The following SPATA13 variants were observed in gnomAD, a reference collection of about 807,000 sequenced individuals.
SPATA13 encodes the protein spermatogenesis associated 13.
SPATA13 carries 50 observed loss-of-function variants against 104.0 expected under a neutral mutation model. The ratio of observed to expected loss-of-function variants is 0.48; its 90% CI spans 0.38 to 0.61. The LOEUF is 0.61. SPATA13 is among the 20% of genes least tolerant of loss of function. SPATA13 has a pLI of 0.00. For synonymous variants in SPATA13, 606 were observed against 667.5 expected (o/e 0.91, Z 1.42); for missense variants, 1,524 against 1,690.6 (o/e 0.90, Z 1.73).
chr13:24,155,171 A>G (rs940193454), intron 3 of SPATA13, among the ~76,000 whole-genome samples: 1 of 152,280 alleles, frequency 6.6e-6, no homozygotes, highest in South Asian at 2.1e-4. Flanking sequence ...TCTATATTAC[A>G]GATGAAGAAA....
At chr13:24,123,075 G>A (rs1881091854) in intron 3 of SPATA13, 2 of 955,556 alleles carry the variant, frequency 2.1e-6, no homozygotes, top group Admixed American at 3.4e-5. Flanking sequence ...TACTGCAATA[G>A]GAGTAAATTC....
intron 1 of SPATA13, among the ~76,000 whole-genome samples, chr13:24,164,311 C>T (rs1882632454): frequency 6.6e-6 from 1 of 152,260 alleles, no homozygotes; most frequent in South Asian, 2.1e-4. Flanking sequence ...TGGACTCCCA[C>T]TGAGCCCCCT....
intron 1 of SPATA13, among the ~76,000 whole-genome samples, chr13:24,193,226 G>A (rs193236118): frequency 3.9e-5 from 6 of 152,216 alleles, no homozygotes; most frequent in South Asian, 2.1e-4. Flanking sequence ...GGGAAGTGAC[G>A]GAGCTCTGAG....
At chr13:24,236,706 C>G (rs1279616525) in intron 2 of SPATA13, among the ~76,000 whole-genome samples, 1 of 151,900 alleles carries the variant, frequency 6.6e-6, no homozygotes, top group Non-Finnish European at 1.5e-5. Flanking sequence ...TACTACTTCA[C>G]ACCCATTAGA....
chr13:24,242,399 T>G (rs1420231236), intron 2 of SPATA13, among the ~76,000 whole-genome samples: 3 of 152,248 alleles, frequency 2.0e-5, no homozygotes, highest in Non-Finnish European at 4.4e-5. Context: ...GGAGGCTTTT[T>G]GGGGAGCAGT....
intron 4 of SPATA13, chr13:24,272,682 C>T (rs1874702103): frequency 6.6e-6 from 1 of 152,152 alleles, no homozygotes; most frequent in African/African-American, 2.4e-5. Flanking sequence ...GAGTTGAAGC[C>T]GAGCCTGAGA....
At position 24,086,052 on chromosome 13, in the gene SPATA13, G is replaced by A. The variant is rs115062347; in HGVS notation, c.-112+68351G>A. ...ATCTGTTGCCAAGGTGAGTAGCAGA[G>A]AAGTTTCACTGTGGGAGTAGCAGGA... On this transcript the variant is annotated intron_variant, in intron 3 of 14. Coordinates refer to the SPATA13 transcript ENST00000424834. Among the ~76,000 whole-genome samples the A allele has an allele frequency of 8.0e-3, 752 of 94,166 alleles. 7 individuals carry two copies. Among genetic ancestry groups the A allele is most frequent in the African/African-American group, 0.026 (720 of 28,216 alleles). 61.8% of individuals were successfully genotyped at this position (94,166 alleles called of 152,430 possible).
At chr13:24,098,312 C>A (rs959811921) in intron 3 of SPATA13, among the ~76,000 whole-genome samples, 2 of 152,152 alleles carry the variant, frequency 1.3e-5, no homozygotes, top group Non-Finnish European at 2.9e-5. Context: ...AATCCCAACA[C>A]TTTGGGAGGC....
chr13:24,205,233 C>T lies in SPATA13; in HGVS notation c.-111-17586C>T, dbSNP rs557079107. Among the ~76,000 whole-genome samples, 4 of 152,332 alleles carry T rather than the reference C, an allele frequency of 2.6e-5. No homozygotes were observed. The East Asian group carries it at 7.7e-4, about 29-fold the overall frequency. On this transcript the variant is annotated intron_variant, in intron 1 of 12. Coordinates refer to ENST00000382108, the MANE Select transcript of SPATA13 (RefSeq NM_001166271.3). The surrounding 1 kb of genome is among the most constrained non-coding windows in gnomAD (Gnocchi z 4.1). ...CAAAGCTCCTTCAGCTGATAAACAA[C>T]TTCAGCAAATTCTCAGAATACAAAA...
At chr13:24,281,360 T>G (rs1593494013) in intron 4 of SPATA13, among the ~76,000 whole-genome samples, 2 of 150,452 alleles carry the variant, frequency 1.3e-5, no homozygotes, top group African/African-American at 4.9e-5. Flanking sequence ...GGAGTGGAGG[T>G]GGGTAGAGGG....
At chr13:24,294,993 C>A in intron 10 of SPATA13, 125 bp downstream of exon 10, 2 of 931,400 alleles carry the variant, frequency 2.1e-6, no homozygotes, top group Non-Finnish European at 3.0e-6. Context: ...GGTACATATA[C>A]CATTAATGGT....
chr13:24,207,470 TA>T (rs934771654), intron 1 of SPATA13, among the ~76,000 whole-genome samples: 2 of 152,340 alleles, frequency 1.3e-5, no homozygotes, highest in Non-Finnish European at 2.9e-5. Context: ...GAGCATGTAA[TA>T]GTTCTGTGTT....
At chr13:24,245,541 C>T (rs1389057577) in intron 2 of SPATA13, among the ~76,000 whole-genome samples, 1 of 143,348 alleles carries the variant, frequency 7.0e-6, no homozygotes, top group African/African-American at 2.6e-5. Flanking sequence ...TTTATATCTT[C>T]ATTGGAACTG....
At chr13:24,164,999 C>G (rs560914351) in intron 1 of SPATA13, among the ~76,000 whole-genome samples, 111 of 152,246 alleles carry the variant, frequency 7.3e-4, no homozygotes, top group African/African-American at 2.5e-3. Context: ...AGGAGAATGG[C>G]GTCTGTGTTT....
chr13:24,067,202 A>T (rs1878995589), intron 3 of SPATA13, among the ~76,000 whole-genome samples: 1 of 152,110 alleles, frequency 6.6e-6, no homozygotes, highest in Non-Finnish European at 1.5e-5. Flanking sequence ...CTCAGTCTTC[A>T]CACTTTCCCC....
chr13:24,134,686 G>A (rs1011125603), intron 3 of SPATA13, among the ~76,000 whole-genome samples: 5 of 152,110 alleles, frequency 3.3e-5, no homozygotes, highest in African/African-American at 2.4e-5. Flanking sequence ...GCAGCTGGTC[G>A]TGACCCACTG....
intron 3 of SPATA13, among the ~76,000 whole-genome samples, chr13:24,036,903 G>A (rs1458388728): frequency 6.6e-6 from 1 of 151,888 alleles, no homozygotes; most frequent in African/African-American, 2.4e-5. Context: ...AGCCTCCCGA[G>A]TAGCTGAGAC....
chr13:24,049,378 G>A (rs1641884949), intron 3 of SPATA13, among the ~76,000 whole-genome samples: 1 of 152,206 alleles, frequency 6.6e-6, no homozygotes, highest in Non-Finnish European at 1.5e-5. Flanking sequence ...ACGTGTGCAG[G>A]TTTGTTGCCT....
intron 1 of SPATA13, among the ~76,000 whole-genome samples, chr13:24,216,264 A>T (rs939077952): frequency 1.3e-5 from 2 of 152,228 alleles, no homozygotes; most frequent in Non-Finnish European, 2.9e-5. Context: ...CACAGAAGGA[A>T]GATTTTCCTT....
Sources: gnomAD v4.1 joint callset for allele counts (sites outside exome capture counted in the v4.1 genomes callset) on GRCh38, gnomAD v4.1.1 for gene constraint, Gnocchi (gnomAD v3.1) non-coding constraint, MANE v1.5 for transcripts, NCBI Gene and HGNC (gene_info 2026-07-23, HGNC 2026-07-21) for gene names.